Variants in NXPE2 observed in about 807,000 individuals in gnomAD.
NXPE2 encodes NXPE family member 2.
A neutral mutation model predicts 34.4 loss-of-function variants in NXPE2; 34 were observed. That is an observed-to-expected ratio of 0.99 (90% confidence interval 0.75 to 1.31). The LOEUF is 1.31. Among genes scored for constraint, NXPE2 ranks in the 40% most tolerant of loss-of-function variants. The pLI, the probability that NXPE2 is intolerant of heterozygous loss-of-function variation, is 0.00. For missense variants in NXPE2, 649 were observed against 672.5 expected (o/e 0.97, Z 0.39); for synonymous variants, 235 against 231.3 (o/e 1.02, Z -0.15).
chr11:114,703,827 C>A (rs1187801898), intron 3 of NXPE2, among the ~76,000 whole-genome samples, 164 bp from the exon 4 acceptor site: 3 of 152,156 alleles, frequency 2.0e-5, no homozygotes, highest in South Asian at 4.1e-4. Flanking sequence ...AGAGGAACAG[C>A]TTTCCAGAAT....
At chr11:114,539,265 A>G in the NXPE2 span, among the ~76,000 whole-genome samples, 44 of 133,538 alleles carry the variant, frequency 3.3e-4, no homozygotes, top group African/African-American at 1.1e-3. Flanking sequence ...GGGGAACATC[A>G]CACACTGGGG....
chr11:114,640,640 A>T, the NXPE2 span, among the ~76,000 whole-genome samples: 71 of 152,026 alleles, frequency 4.7e-4, 2 homozygotes, highest in South Asian at 0.015. Context: ...CTTTTTAATA[A>T]TGGCCATTCT....
the NXPE2 span, among the ~76,000 whole-genome samples, chr11:114,794,624 C>T: frequency 6.6e-6 from 1 of 152,150 alleles, no homozygotes; most frequent in African/African-American, 2.4e-5. Context: ...GCAGGGACCA[C>T]AGTAAAGGCT....
At chr11:114,617,188 T>C in the NXPE2 span, among the ~76,000 whole-genome samples, 1 of 151,964 alleles carries the variant, frequency 6.6e-6, no homozygotes, top group Non-Finnish European at 1.5e-5. Flanking sequence ...TAATAAGTGT[T>C]GTCTTGTTGG....
the NXPE2 span, among the ~76,000 whole-genome samples, chr11:114,654,967 G>GC: frequency 6.6e-6 from 1 of 152,114 alleles, no homozygotes; most frequent in African/African-American, 2.4e-5. Flanking sequence ...TTTCTCTACA[G>GC]CCTTGCCAGC....
the NXPE2 span, among the ~76,000 whole-genome samples, chr11:114,607,731 A>T: frequency 6.6e-6 from 1 of 151,962 alleles, no homozygotes; most frequent in East Asian, 1.9e-4. Context: ...CTCGTGGGTA[A>T]CCACAGTTGC....
At chr11:114,805,516 TA>T in the NXPE2 span, among the ~76,000 whole-genome samples, 1 of 152,204 alleles carries the variant, frequency 6.6e-6, no homozygotes, top group African/African-American at 2.4e-5. Context: ...CAACCAGCTT[TA>T]AAAATGGCAT....
the NXPE2 span, among the ~76,000 whole-genome samples, chr11:114,470,508 A>G: frequency 4.0e-5 from 6 of 151,878 alleles, no homozygotes; most frequent in South Asian, 1.2e-3. Context: ...TTCTTTGGTG[A>G]TATGTCTGTC....
the NXPE2 span, among the ~76,000 whole-genome samples, chr11:114,469,581 C>T: frequency 6.6e-6 from 1 of 151,914 alleles, no homozygotes; most frequent in East Asian, 1.9e-4. Context: ...CCTCCGCCTC[C>T]CGGGTTCAAG....
At chr11:114,530,431 A>G in the NXPE2 span, 1 of 1,614,240 alleles carries the variant, frequency 6.2e-7, no homozygotes, top group Non-Finnish European at 8.5e-7. Flanking sequence ...CTTGCCCTCC[A>G]GAGAGCCGAC....
the NXPE2 span, among the ~76,000 whole-genome samples, chr11:114,516,826 C>T: frequency 6.6e-6 from 1 of 152,170 alleles, no homozygotes; most frequent in Non-Finnish European, 1.5e-5. Flanking sequence ...TTCTGCCTCT[C>T]TGAGCCCTAC....
At chr11:114,683,512 C>G (rs1210113109) in intron 2 of NXPE2, among the ~76,000 whole-genome samples, 2 of 151,772 alleles carry the variant, frequency 1.3e-5, no homozygotes, top group Admixed American at 1.3e-4. Flanking sequence ...CCTCCGCCTC[C>G]TGGGTTCAAG....
At chr11:114,531,927 A>C in the NXPE2 span, among the ~76,000 whole-genome samples, 1 of 152,172 alleles carries the variant, frequency 6.6e-6, no homozygotes, top group African/African-American at 2.4e-5. Context: ...GCTTTTTTAA[A>C]AATATGCACT....
chr11:114,811,797 C>A, the NXPE2 span, among the ~76,000 whole-genome samples: 145,580 of 152,260 alleles, frequency 0.96, 69,941 homozygotes, highest in Middle Eastern at 1. Flanking sequence ...CCAGAGAATG[C>A]AGTTAGTATG....
At chr11:114,665,054 C>G in the NXPE2 span, among the ~76,000 whole-genome samples, 1 of 152,258 alleles carries the variant, frequency 6.6e-6, no homozygotes, top group Non-Finnish European at 1.5e-5. Flanking sequence ...TGGGGCACAT[C>G]TGTACACAGC....
In NXPE2 at chr11:114,706,902, T is replaced by C. The variant is rs924078843; in HGVS notation, c.1652T>C (p.Ile551Thr). 1.6e-5 allele frequency: 25 copies of C among 1,549,998 alleles called. No homozygotes were observed. The African/African-American group carries it at 2.9e-4, about 18-fold the overall frequency. Residue 551 changes from isoleucine to threonine, a missense_variant, in exon 6 of 6, where the codon ATT becomes ACT. By Grantham distance (89) the Ile-to-Thr change is moderately conservative. Transcript: ENST00000389586. ...CCGGATTATGTGATTCAAAATCAGA[T>C]TGGCATGTTCTTAAACTACATTTGT... Reference protein sequence around the residue: ...HPPDYVIQNQIGMFLNYIC With the variant: ...HPPDYVIQNQTGMFLNYIC
downstream of NXPE2, among the ~76,000 whole-genome samples, chr11:114,708,646 G>T (rs1420130656): frequency 6.6e-6 from 1 of 150,800 alleles, no homozygotes; most frequent in Non-Finnish European, 1.5e-5. Flanking sequence ...AAAAAGAAAA[G>T]AAAAGAAAAG....
the NXPE2 span, among the ~76,000 whole-genome samples, chr11:114,738,166 T>A: frequency 6.6e-6 from 1 of 152,208 alleles, no homozygotes; most frequent in Non-Finnish European, 1.5e-5. Context: ...AAAGCTTGGC[T>A]CTGCTGGGCA....
At chr11:114,728,055 C>T in the NXPE2 span, among the ~76,000 whole-genome samples, 1 of 152,036 alleles carries the variant, frequency 6.6e-6, no homozygotes, top group South Asian at 2.1e-4. Context: ...CTTCTGTATT[C>T]CTTGGCTGTG....
Sources: allele counts gnomAD v4.1 joint callset (sites outside exome capture counted in the v4.1 genomes callset), GRCh38; gene constraint gnomAD v4.1.1; transcripts MANE v1.5; gene names NCBI Gene and HGNC (gene_info 2026-07-23, HGNC 2026-07-21).